The following CADPS2 variants were observed in gnomAD, a reference collection of about 807,000 sequenced individuals.
CADPS2 encodes calcium dependent secretion activator 2, also known as calcium-dependent secretion activator 2.
Under a neutral mutation model 172.5 loss-of-function variants are expected in CADPS2, and 93 were observed. The ratio of observed to expected loss-of-function variants is 0.54; its 90% confidence interval spans 0.46 to 0.64. The LOEUF is 0.64. Among genes scored for constraint, CADPS2 ranks in the 30% least tolerant of loss-of-function variants. CADPS2 has a pLI of 0.00. For missense variants in CADPS2, 1,420 were observed against 1,565.9 expected, an observed-to-expected ratio of 0.91 and a Z score of 1.57; for synonymous variants, 546 against 555.2, an observed-to-expected ratio of 0.98 and a Z score of 0.23.
At chr7:122,732,792 ATAC>A (rs1223643122) in intron 2 of CADPS2, among the ~76,000 whole-genome samples, 3 of 142,680 alleles carry the variant, frequency 2.1e-5, no homozygotes, top group Non-Finnish European at 4.5e-5. Context: ...TATAATATAT[ATAC>A]ATTATATATT....
chr7:122,709,849 T>C (rs897485531), intron 2 of CADPS2, among the ~76,000 whole-genome samples: 27 of 151,728 alleles, frequency 1.8e-4, no homozygotes, highest in Non-Finnish European at 3.2e-4. Context: ...TAGATGGGAA[T>C]TGAACAATGA....
At chr7:122,454,442 T>C (rs2053512841) in intron 14 of CADPS2, among the ~76,000 whole-genome samples, 1 of 151,732 alleles carries the variant, frequency 6.6e-6, no homozygotes, top group East Asian at 1.9e-4. Context: ...TATATTTTGA[T>C]AGAAAATAAT....
intron 14 of CADPS2, among the ~76,000 whole-genome samples, chr7:122,454,878 T>G (rs946669778): frequency 5.9e-5 from 9 of 152,210 alleles, no homozygotes; most frequent in Non-Finnish European, 1.2e-4. Flanking sequence ...GATCCACTGA[T>G]CCCAGCCACT....
chr7:122,489,523 T>A (rs1329823981), intron 11 of CADPS2, among the ~76,000 whole-genome samples: 1 of 152,156 alleles, frequency 6.6e-6, no homozygotes, highest in Non-Finnish European at 1.5e-5. Context: ...TCATTTAAAA[T>A]TAAAAATTTA....
At chr7:122,540,990 T>C (rs779121161) in intron 8 of CADPS2, among the ~76,000 whole-genome samples, 1 of 152,078 alleles carries the variant, frequency 6.6e-6, no homozygotes, top group Non-Finnish European at 1.5e-5. Flanking sequence ...AGAGAGTACT[T>C]AATGCTGGCA....
intron 1 of CADPS2, among the ~76,000 whole-genome samples, chr7:122,817,832 A>C (rs976390014): frequency 6.7e-6 from 1 of 149,396 alleles, no homozygotes; most frequent in Non-Finnish European, 1.5e-5. Flanking sequence ...CCAACCTCTT[A>C]TATCTCTGCA....
chr7:122,502,521 A>T (rs2059285506), intron 9 of CADPS2, among the ~76,000 whole-genome samples: 1 of 152,044 alleles, frequency 6.6e-6, no homozygotes, highest in Non-Finnish European at 1.5e-5. Context: ...ATTTATTGAA[A>T]AACAAAATAA....
At position 122,803,440 on chromosome 7, in the gene CADPS2, A is replaced by G. The variant is rs185313192; in HGVS notation, c.340-66372T>C. ...AGAGAATGTTCTGTGATGGAATCTC[A>G]TTTTGGAGTCTGAAAGAACGCTACA... is the stretch of plus-strand genomic sequence containing the variant. On this transcript the variant is annotated intron_variant, in intron 1 of 29. Coordinates refer to ENST00000449022, the MANE Select transcript of CADPS2 (RefSeq NM_017954.11). Among the ~76,000 whole-genome samples the G allele has an allele frequency of 4.8e-3, 725 of 152,296 alleles. 3 individuals are homozygous for G. The highest frequency in any genetic ancestry group is 8.2e-3 in the Non-Finnish European group (558 of 68,026).
intron 1 of CADPS2, among the ~76,000 whole-genome samples, chr7:122,868,500 A>C (rs1359346755): frequency 2.0e-5 from 3 of 152,136 alleles, no homozygotes; most frequent in East Asian, 3.9e-4. Context: ...TTGACACTCT[A>C]ATTTCCTAGG....
At chr7:122,428,359 T>C (rs2049423619) in intron 17 of CADPS2, among the ~76,000 whole-genome samples, 1 of 152,064 alleles carries the variant, frequency 6.6e-6, no homozygotes, top group South Asian at 2.1e-4. Context: ...GCCAGTATCA[T>C]ATAAAGCTGT....
At chr7:122,606,717 A>G (rs1018537367) in intron 6 of CADPS2, among the ~76,000 whole-genome samples, 1 of 152,054 alleles carries the variant, frequency 6.6e-6, no homozygotes, top group African/African-American at 2.4e-5. Context: ...GTGCCTACTG[A>G]GCCATACTAT....
intron 5 of CADPS2, among the ~76,000 whole-genome samples, chr7:122,620,983 T>G (rs954045601): frequency 6.6e-6 from 1 of 152,142 alleles, no homozygotes; most frequent in African/African-American, 2.4e-5. Context: ...CACCATTCCA[T>G]GTACCCTCAA....
intron 1 of CADPS2, among the ~76,000 whole-genome samples, chr7:122,781,790 A>C (rs1479737961): frequency 1.3e-5 from 2 of 152,162 alleles, no homozygotes; most frequent in African/African-American, 4.8e-5. Flanking sequence ...TAACCAATTT[A>C]TCCCTCAGTA....
chr7:122,624,117 A>G (rs1171032697), intron 4 of CADPS2, among the ~76,000 whole-genome samples: 1 of 152,222 alleles, frequency 6.6e-6, no homozygotes, highest in Non-Finnish European at 1.5e-5. Flanking sequence ...TTTATTGATA[A>G]TATTTCATTA....
intron 8 of CADPS2, among the ~76,000 whole-genome samples, chr7:122,529,007 C>T (rs375081297): frequency 1.3e-5 from 2 of 151,896 alleles, no homozygotes; most frequent in African/African-American, 4.8e-5. Flanking sequence ...ATTATTAATA[C>T]CAAGTTTTGT....
chr7:122,820,530 C>T (rs1198980237), intron 1 of CADPS2, among the ~76,000 whole-genome samples: 1 of 140,390 alleles, frequency 7.1e-6, no homozygotes, highest in Non-Finnish European at 1.5e-5. Flanking sequence ...GTCCAAACAA[C>T]TTGACCTTAC....
In CADPS2 at chr7:122,636,784, T is replaced by G. The variant is rs143482029; in HGVS notation, c.787-7456A>C. ...ACTCGGTCTGCCTTTTTAAGATTTT[T>G]TTGTTGTTGTTGAACTTGGTGAATC... On this transcript the variant is annotated intron_variant, in intron 3 of 29. Coordinates refer to ENST00000449022, the MANE Select transcript of CADPS2 (RefSeq NM_017954.11). 8.5e-5 allele frequency among the ~76,000 whole-genome samples: 13 copies of G among 152,178 alleles called. No individual in the cohort carries two copies. The East Asian group carries it at 1.5e-3, about 18-fold the overall frequency.
intron 8 of CADPS2, among the ~76,000 whole-genome samples, chr7:122,549,245 T>C (rs751411219): frequency 3.3e-5 from 5 of 151,978 alleles, no homozygotes; most frequent in East Asian, 1.9e-4. Context: ...CTGTCTCTAA[T>C]ACAAAAAAAT....
At chr7:122,418,112 G>A (rs1265392120) in intron 17 of CADPS2, among the ~76,000 whole-genome samples, 1 of 151,648 alleles carries the variant, frequency 6.6e-6, no homozygotes, top group Non-Finnish European at 1.5e-5. Context: ...AGAGGTTGCA[G>A]TGAGCCAATA....
Sources: allele counts gnomAD v4.1 joint callset (sites outside exome capture counted in the v4.1 genomes callset), GRCh38; gene constraint gnomAD v4.1.1; transcripts MANE v1.5; gene names NCBI Gene and HGNC (gene_info 2026-07-23, HGNC 2026-07-21).